Variants in FCRL6 observed in about 807,000 individuals in gnomAD.
The protein encoded by FCRL6 is Fc receptor like 6, also known as Fc receptor-like protein 6.
In FCRL6, 50 loss-of-function variants were observed where a neutral mutation model predicts 49.1. That is an observed-to-expected ratio of 1.02 (90% CI 0.81 to 1.29). The LOEUF is 1.29. Among genes scored for constraint, FCRL6 ranks in the 50% most tolerant of loss-of-function variants. The pLI is 0.00. For missense variants in FCRL6, 571 were observed against 518.5 expected (o/e 1.10, Z -0.98); for synonymous variants, 213 against 199.6 (o/e 1.07, Z -0.57).
chr1:159,809,032 A>G lies in FCRL6; in HGVS notation c.391A>G (p.Arg131Gly), dbSNP rs140295172. The change falls in exon 4 of 10, where the codon AGA (arginine) becomes GGA (glycine). Residue 131 changes from arginine (R) to glycine (G), a missense_variant. Physicochemically the swap from Arg to Gly is moderately radical, Grantham distance 125 (BLOSUM62 -2). Coordinates refer to ENST00000368106, the MANE Select transcript of FCRL6 (RefSeq NM_001004310.3). Reference protein sequence around the residue: ...EPREGSLVTLRCQTKLHPLRS... With the variant: ...EPREGSLVTLGCQTKLHPLRS... ...CCGAGAGGGTAGCCTGGTGACCCTG[A>G]GATGTCAGACAAAGCTGCACCCCCT... is the stretch of plus-strand genomic sequence containing the variant. 63 of 1,613,770 alleles carry G rather than the reference A, an allele frequency of 3.9e-5. No individual in the cohort carries two copies. In the African/African-American group the frequency reaches 7.2e-4, roughly 18 times the overall value.
chr1:159,800,719 T>C (rs1571079460), upstream of FCRL6: 15 of 944,736 alleles, frequency 1.6e-5, no homozygotes, highest in South Asian at 2.0e-4. Flanking sequence ...TCAAATTAGT[T>C]TCCCACTTCC....
At chr1:159,800,543 T>C (rs536642443), upstream of FCRL6, 9 of 1,526,094 alleles carry the variant, frequency 5.9e-6, no homozygotes, top group African/African-American at 1.4e-5. Context: ...CTGAACGAAG[T>C]TGAAGACAAC....
At chr1:159,808,130 C>A in intron 2 of FCRL6, 48 bp from the exon 3 acceptor site, 1 of 1,567,464 alleles carries the variant, frequency 6.4e-7, no homozygotes, top group Non-Finnish European at 8.7e-7. Context: ...AGAGAAGTGA[C>A]TGATGGGACC....
At chr1:159,811,894 T>A (rs1433595634) in intron 6 of FCRL6, among the ~76,000 whole-genome samples, 2 of 152,346 alleles carry the variant, frequency 1.3e-5, no homozygotes, top group East Asian at 1.9e-4. Flanking sequence ...TGTTTCTGTT[T>A]CTGTCCACTC....
chr1:159,808,093 G>A, intron 2 of FCRL6, 85 bp from the exon 3 acceptor site: 9 of 1,474,490 alleles, frequency 6.1e-6, no homozygotes, highest in Non-Finnish European at 8.3e-6. Context: ...ATCCCCAGCA[G>A]GAGGCCTTAG....
Position 159,809,642 on chromosome 1 carries a change from T to C in FCRL6, c.845T>C (p.Val282Ala), listed in dbSNP as rs200150308. The change falls in exon 5 of 10, where the codon GTC becomes GCC. Residue 282 changes from valine to alanine, a missense_variant. Transcript: ENST00000368106. ...TACTCCTGCGAGGCTGAGAACAGTG[T>C]CTCCAGAGAGAGGAGTGAGCCCAAG... ...GNYSCEAENS[V>A]SRERSEPKKL... 6.2e-7 allele frequency: 1 copy of C among 1,613,948 alleles called. No individual in the cohort carries two copies. Among genetic ancestry groups the C allele is most frequent in the Admixed American group, 1.7e-5 (1 of 59,998 alleles).
chr1:159,809,640 T>C lies in FCRL6; in HGVS notation c.843T>C (p.Ser281=), dbSNP rs756424210. ...AGNYSCEAEN[S]VSRERSEPKK... is the part of the protein sequence containing the mutation. ...ACTACTCCTGCGAGGCTGAGAACAG[T>C]GTCTCCAGAGAGAGGAGTGAGCCCA... The change falls in exon 5 of 10, where the codon AGT becomes AGC. Residue 281 remains serine (S), a synonymous_variant. Coordinates refer to ENST00000368106, the MANE Select transcript of FCRL6 (RefSeq NM_001004310.3). The C allele has an allele frequency of 6.8e-6, 11 of 1,614,134 alleles. No homozygotes were observed. In the Admixed American group the frequency reaches 8.3e-5, roughly 12 times the overall value.
At chr1:159,814,977 G>GT (rs1230344863) in intron 8 of FCRL6, among the ~76,000 whole-genome samples, 1 of 152,192 alleles carries the variant, frequency 6.6e-6, no homozygotes, top group Non-Finnish European at 1.5e-5. Context: ...CAGGACTACT[G>GT]TAAGTTGTTA....
rs988772888 is a variant in FCRL6, at chr1:159,813,547, T to C, written c.1068T>C (p.Tyr356=). 6.2e-7 allele frequency: 1 copy of C among 1,614,018 alleles called. No homozygotes were observed. Among genetic ancestry groups the C allele is most frequent in the South Asian group, 1.1e-5 (1 of 91,076 alleles). ...CAGGTGGAGAGCAGTGCCCACTATA[T>C]GCCAACGGTAAGGACTTCCAGCAGG... ...TAPGGEQCPL[Y]ANVHHQKGKD... The change falls in exon 7 of 10, where the codon TAT becomes TAC. Residue 356 remains tyrosine, a synonymous_variant. Transcript: ENST00000368106.
chr1:159,814,205 T>A lies in FCRL6; in HGVS notation c.1076-16T>A. The A allele has an allele frequency of 3.1e-6, 5 of 1,612,444 alleles. No homozygotes were observed. The highest frequency in any genetic ancestry group is 4.2e-6 in the Non-Finnish European group (5 of 1,178,462). ...GAGTCAGGAGGATCCTATTTAAGCC[T>A]CATTCCTTCTTCCAGTGCATCACCA... is the stretch of plus-strand genomic sequence containing the variant. On this transcript the variant is annotated splice_polypyrimidine_tract_variant and intron_variant, in intron 7 of 9. Transcript: ENST00000368106.
rs778973075 is a variant in FCRL6, at chr1:159,808,247, G to A, written c.122G>A (p.Gly41Glu). The A allele has an allele frequency of 3.1e-6, 5 of 1,613,468 alleles. No individual in the cohort carries two copies. Among genetic ancestry groups the A allele is most frequent in the Non-Finnish European group, 4.2e-6 (5 of 1,179,330 alleles). The change falls in exon 3 of 10, where the codon GGA becomes GAA. Residue 41 changes from glycine to glutamate, a missense_variant. Transcript: ENST00000368106. Reference protein sequence around the residue: ...EGDALTLRCQGWKNTPLSQVK... With the variant: ...EGDALTLRCQEWKNTPLSQVK... ...GATGCCCTGACTCTGCGATGTCAGG[G>A]ATGGAAGAATACACCACTGTCTCAG...
At chr1:159,801,412 C>G (rs191544179), upstream of FCRL6, among the ~76,000 whole-genome samples, 3 of 152,326 alleles carry the variant, frequency 2.0e-5, no homozygotes, top group African/African-American at 7.2e-5. Flanking sequence ...CTCACCAATA[C>G]TCAGTAGAGG....
At chr1:159,803,232 A>G (rs189021944) in intron 1 of FCRL6, among the ~76,000 whole-genome samples, 4 of 152,186 alleles carry the variant, frequency 2.6e-5, no homozygotes, top group African/African-American at 7.2e-5. Context: ...GCTCCCCCAG[A>G]CCCAGCTCAG....
At chr1:159,800,889 G>A (rs929234813), upstream of FCRL6, among the ~76,000 whole-genome samples, 2 of 152,194 alleles carry the variant, frequency 1.3e-5, no homozygotes, top group Non-Finnish European at 2.9e-5. Context: ...AGCCAGGCAT[G>A]GTGGTGCATG....
upstream of FCRL6, chr1:159,800,687 C>G: frequency 1.5e-6 from 2 of 1,368,262 alleles, no homozygotes; most frequent in Non-Finnish European, 1.0e-6. Context: ...AACTGAGTCA[C>G]CGAAAAAAAT....
At chr1:159,808,032 C>A (rs868227417) in intron 2 of FCRL6, 146 bp from the exon 3 acceptor site, 316 of 806,220 alleles carry the variant, frequency 3.9e-4, no homozygotes, top group Middle Eastern at 1.1e-3. Context: ...CTCTGGTCGG[C>A]ATGAAGGACT....
At chr1:159,802,223 T>C (rs896193922), upstream of FCRL6, 4 of 551,034 alleles carry the variant, frequency 7.3e-6, no homozygotes, top group African/African-American at 3.8e-5. Flanking sequence ...TTTATTCATG[T>C]AATACTTCTT....
chr1:159,815,386 T>C, intron 8 of FCRL6, 42 bp from the exon 9 acceptor site: 1 of 1,600,094 alleles, frequency 6.2e-7, no homozygotes. Flanking sequence ...GTACTTGCTG[T>C]GGAGCACAGA....
chr1:159,813,661 T>C, intron 7 of FCRL6, 107 bp downstream of exon 7: 2 of 961,644 alleles, frequency 2.1e-6, no homozygotes. Flanking sequence ...GGAATTGGAG[T>C]GATCTGGGGA....
Sources: allele counts gnomAD v4.1 joint callset (sites outside exome capture counted in the v4.1 genomes callset), GRCh38; gene constraint gnomAD v4.1.1; transcripts MANE v1.5; gene names NCBI Gene and HGNC (gene_info 2026-07-23, HGNC 2026-07-21).